Variants in SRSF12 observed in about 807,000 individuals in gnomAD.
The protein encoded by SRSF12 is serine and arginine rich splicing factor 12.
A neutral mutation model predicts 34.1 loss-of-function variants in SRSF12; 21 were observed. The ratio of observed to expected loss-of-function variants is 0.62; its 90% CI spans 0.44 to 0.89. SRSF12 has a LOEUF of 0.89. Ranked by LOEUF, SRSF12 falls within the 40% of genes least tolerant of loss-of-function variation. The probability of loss-of-function intolerance (pLI) is 0.00; values close to 1 mark genes in which losing one functional copy is unlikely to be tolerated. For synonymous variants in SRSF12, 111 were observed against 110.8 expected, an observed-to-expected ratio of 1.00 and a Z score of -0.01; for missense variants, 278 against 327.8, an observed-to-expected ratio of 0.85 and a Z score of 1.17.
At chr6:89,103,375 C>T (rs1768624262) in intron 4 of SRSF12, among the ~76,000 whole-genome samples, 1 of 151,336 alleles carries the variant, frequency 6.6e-6, no homozygotes, top group South Asian at 2.1e-4. Flanking sequence ...GTCACCCAGG[C>T]TGGAGAGCAG....
Position 89,101,697 on chromosome 6 carries a change from C to CA in SRSF12, c.417-2751dup, listed in dbSNP as rs57710136. On this transcript the variant is annotated intron_variant, in intron 4 of 4. Transcript: ENST00000452027. ...CAGGTGACAGAGTGAGACTCTGTCT[C>CA]AAAAAAAAATAAAAATAAAAATAAA... Among the ~76,000 whole-genome samples the CA allele has an allele frequency of 7.6e-3, 1,137 of 149,964 alleles. 16 individuals carry two copies. Among genetic ancestry groups the CA allele is most frequent in the African/African-American group, 0.027 (1,068 of 40,210 alleles).
At chr6:89,116,400 A>T (rs1051775684) in intron 1 of SRSF12, among the ~76,000 whole-genome samples, 6 of 152,264 alleles carry the variant, frequency 3.9e-5, no homozygotes, top group Non-Finnish European at 8.8e-5. Flanking sequence ...GAAGAAATGT[A>T]AACAAGGCAC....
intron 1 of SRSF12, among the ~76,000 whole-genome samples, chr6:89,115,683 CT>C (rs1769261636): frequency 6.9e-6 from 1 of 144,856 alleles, no homozygotes; most frequent in African/African-American, 2.6e-5. Context: ...GTCTCCCAGG[CT>C]GGAGTGCAGT....
chr6:89,108,942 A>G (rs1480940223), intron 1 of SRSF12, among the ~76,000 whole-genome samples: 2 of 152,226 alleles, frequency 1.3e-5, no homozygotes, highest in South Asian at 4.1e-4. Context: ...ACTTTATTTC[A>G]TTTAACACTC....
intron 4 of SRSF12, 146 bp from the exon 5 acceptor site, chr6:89,099,093 G>T: frequency 1.9e-6 from 2 of 1,069,072 alleles, no homozygotes; most frequent in Non-Finnish European, 2.6e-6. Context: ...TATTATGCAT[G>T]CTTTTGGTTC....
intron 4 of SRSF12, among the ~76,000 whole-genome samples, chr6:89,099,376 T>A (rs1198760733): frequency 8.9e-6 from 1 of 112,896 alleles, no homozygotes; most frequent in Admixed American, 9.5e-5. Context: ...AATCTTCCCA[T>A]AGAAAACAGC....
intron 1 of SRSF12, among the ~76,000 whole-genome samples, chr6:89,111,009 G>A (rs1267644703): frequency 1.3e-5 from 2 of 152,084 alleles, no homozygotes; most frequent in African/African-American, 4.8e-5. Flanking sequence ...CTACTTAGGA[G>A]GCTGAGGAAG....
chr6:89,114,495 A>G (rs186534750), intron 1 of SRSF12, among the ~76,000 whole-genome samples: 68 of 152,330 alleles, frequency 4.5e-4, no homozygotes, highest in African/African-American at 1.5e-3. Context: ...TAATATATGT[A>G]ATGTTTTTAG....
intron 4 of SRSF12, among the ~76,000 whole-genome samples, chr6:89,099,413 T>TGTGTGTATATATAC (rs1562191773): frequency 1.4e-5 from 2 of 140,032 alleles, no homozygotes; most frequent in African/African-American, 5.6e-5. Context: ...CATATATATA[T>TGTGTGTATATATAC]ACATATATAT....
rs1768370534 is a variant in SRSF12 at position 89,098,755 on chromosome 6, C to T, written c.609G>A (p.Gln203=). The T allele has an allele frequency of 3.1e-6, 5 of 1,613,800 alleles. No homozygotes were observed. In the South Asian group the frequency reaches 5.5e-5, roughly 18 times the overall value. The change falls in exon 5 of 5, where the codon CAG becomes CAA. Residue 203 remains glutamine, a synonymous_variant. Coordinates refer to ENST00000452027, the MANE Select transcript of SRSF12 (RefSeq NM_080743.5). ...ATCTTGATTTTGTTCCTGAGCTAGT[C>T]TGCTTTTGAGGTGAACTTGACTGTG... ...GKSQSSSPQK[Q]TSSGTKSRSH...
At chr6:89,103,047 A>C (rs984059324) in intron 4 of SRSF12, among the ~76,000 whole-genome samples, 1 of 152,164 alleles carries the variant, frequency 6.6e-6, no homozygotes, top group Non-Finnish European at 1.5e-5. Flanking sequence ...CACAGGTGTG[A>C]GCCACTGCAC....
rs1768291723 is a variant in SRSF12, at chr6:89,096,519, C to T, written c.*2059G>A. On this transcript the variant is annotated 3_prime_UTR_variant, in exon 5 of 5. Transcript: ENST00000452027. ...TTTTCATCAAACCAAATGGTATCCT[C>T]CTAAGCAGCCCAGGGATTACAATGA... The T allele has an allele frequency of 6.6e-6, 1 of 152,176 alleles. No homozygotes were observed. Among genetic ancestry groups the T allele is most frequent in the Non-Finnish European group, 1.5e-5 (1 of 68,036 alleles). 9.4% of individuals were successfully genotyped at this position (152,176 alleles called of 1,614,324 possible). A position where few individuals can be genotyped will look rare whatever the true frequency, so the allele number is the denominator to read the frequency against.
intron 4 of SRSF12, among the ~76,000 whole-genome samples, chr6:89,099,488 GTATA>G (rs1260370181): frequency 1.5e-5 from 2 of 135,040 alleles, no homozygotes; most frequent in Admixed American, 7.5e-5. Context: ...ATATGTGTGT[GTATA>G]TATATATGTG....
rs544852638 is a variant in SRSF12, at chr6:89,104,532, G to A, written c.416+587C>T. Among the ~76,000 whole-genome samples the A allele has an allele frequency of 3.0e-4, 45 of 152,090 alleles. No homozygotes were observed. In the South Asian group the frequency reaches 6.0e-3, roughly 20 times the overall value. On this transcript the variant is annotated intron_variant, in intron 4 of 4. Transcript: ENST00000452027. ...ATCATAAGTGTGAGCCACTGCACGCGGCTGAGTATGTATTTTTTTTTACTT... is the reference window on the plus strand; with the variant it reads ...ATCATAAGTGTGAGCCACTGCACGCAGCTGAGTATGTATTTTTTTTTACTT...
chr6:89,117,926 G>A lies in SRSF12; in HGVS notation c.-39C>T, dbSNP rs1320020143. Reference sequence around the variant, plus strand: ...GTTCCCTCCGGGTCTGCCCGCGGCCGCTGGACTCGCTCCGTCTCCCGCTAC... The same window carrying A: ...GTTCCCTCCGGGTCTGCCCGCGGCCACTGGACTCGCTCCGTCTCCCGCTAC... On this transcript the variant is annotated 5_prime_UTR_variant, in exon 1 of 5. Coordinates refer to ENST00000452027, the MANE Select transcript of SRSF12 (RefSeq NM_080743.5). 3.2e-6 allele frequency: 5 copies of A among 1,538,530 alleles called. No homozygotes were observed. The highest frequency in any genetic ancestry group is 3.5e-6 in the Non-Finnish European group (4 of 1,145,296).
chr6:89,108,874 C>T (rs1300412125), intron 1 of SRSF12, among the ~76,000 whole-genome samples: 2 of 152,110 alleles, frequency 1.3e-5, no homozygotes, highest in East Asian at 3.8e-4. Flanking sequence ...ATATAAGATT[C>T]AACAAAAATT....
intron 1 of SRSF12, among the ~76,000 whole-genome samples, chr6:89,112,053 G>A (rs1189774367): frequency 6.6e-6 from 1 of 152,086 alleles, no homozygotes; most frequent in Non-Finnish European, 1.5e-5. Context: ...TGTTGCCCAG[G>A]CTGGAGTGCA....
chr6:89,105,712 C>A, intron 2 of SRSF12, 182 bp from the exon 3 acceptor site: 1 of 408,402 alleles, frequency 2.4e-6, no homozygotes, highest in Non-Finnish European at 4.3e-6. Context: ...AACAAATGAC[C>A]CATTATGTTT....
At chr6:89,106,173 T>C (rs954694079) in intron 2 of SRSF12, among the ~76,000 whole-genome samples, 3 of 152,138 alleles carry the variant, frequency 2.0e-5, no homozygotes, top group Non-Finnish European at 2.9e-5. Flanking sequence ...CAGGCTGGAG[T>C]GCAATGGCGC....
Sources: allele counts gnomAD v4.1 joint callset (sites outside exome capture counted in the v4.1 genomes callset), GRCh38; gene constraint gnomAD v4.1.1; transcripts MANE v1.5; gene names NCBI Gene and HGNC (gene_info 2026-07-23, HGNC 2026-07-21).